GPHN: variants seen among roughly 807,000 people sequenced by gnomAD.
The protein encoded by GPHN is gephyrin.
A neutral mutation model predicts 95.5 loss-of-function variants in GPHN; 17 were observed. The observed-to-expected ratio is 0.18, with a 90% confidence interval of 0.12 to 0.27. The LOEUF is 0.27. Ranked by LOEUF, GPHN falls within the 10% of genes least tolerant of loss-of-function variation. The pLI, the probability that GPHN is intolerant of heterozygous loss-of-function variation, is 1.00. For missense variants in GPHN, 660 were observed against 978.1 expected (o/e 0.67, Z 4.34); for synonymous variants, 320 against 322.5 (o/e 0.99, Z 0.08).
chr14:66,782,758 G>A (rs546706852), intron 3 of GPHN, among the ~76,000 whole-genome samples: 53 of 152,228 alleles, frequency 3.5e-4, no homozygotes, highest in African/African-American at 1.1e-3. Context: ...GCTTGAACCC[G>A]GGAGGTGGAG....
chr14:67,371,239 C>T, the GPHN span, among the ~76,000 whole-genome samples: 1 of 151,982 alleles, frequency 6.6e-6, no homozygotes, highest in South Asian at 2.1e-4. Flanking sequence ...TATAGGGAGA[C>T]CCCATCTCTA....
At chr14:66,685,594 G>A (rs913519413) in intron 2 of GPHN, among the ~76,000 whole-genome samples, 6 of 151,938 alleles carry the variant, frequency 3.9e-5, no homozygotes, top group Admixed American at 2.6e-4. Flanking sequence ...TTTTTGATGG[G>A]GTTGTTTTTT....
chr14:67,400,993 AAAT>A, the GPHN span, among the ~76,000 whole-genome samples: 13,423 of 150,654 alleles, frequency 0.089, 945 homozygotes, highest in African/African-American at 0.19. Flanking sequence ...CTGCCTCTTA[AAAT>A]AATAATAATA....
At chr14:67,148,145 A>G (rs1475916265) in intron 18 of GPHN, among the ~76,000 whole-genome samples, 2 of 152,254 alleles carry the variant, frequency 1.3e-5, no homozygotes, top group Non-Finnish European at 2.9e-5. Flanking sequence ...CATAGAAGGT[A>G]ACATGACTGT....
At chr14:66,809,887 T>G (rs528219799) in intron 3 of GPHN, among the ~76,000 whole-genome samples, 1 of 152,146 alleles carries the variant, frequency 6.6e-6, no homozygotes, top group East Asian at 1.9e-4. Flanking sequence ...AGTCCCTTAT[T>G]TTTTTTAAAG....
the GPHN span, among the ~76,000 whole-genome samples, chr14:67,696,413 T>A: frequency 2.0e-5 from 3 of 152,316 alleles, no homozygotes; most frequent in Admixed American, 2.0e-4. Flanking sequence ...ATGTAAACCC[T>A]TCCTCCTCGA....
At chr14:67,188,094 T>C in the GPHN span, among the ~76,000 whole-genome samples, 1 of 152,256 alleles carries the variant, frequency 6.6e-6, no homozygotes, top group South Asian at 2.1e-4. Flanking sequence ...GAAAGCTTCA[T>C]ATCCCAAGCT....
At chr14:66,624,617 A>G (rs1156418828) in intron 1 of GPHN, among the ~76,000 whole-genome samples, 2 of 152,178 alleles carry the variant, frequency 1.3e-5, no homozygotes, top group South Asian at 2.1e-4. Context: ...ATTTTCTTGG[A>G]CCAGGGGTTG....
At chr14:67,554,683 G>T in the GPHN span, among the ~76,000 whole-genome samples, 3 of 152,156 alleles carry the variant, frequency 2.0e-5, no homozygotes, top group South Asian at 4.1e-4. Context: ...GACATCTAAC[G>T]CACACTTCAC....
In GPHN at chr14:67,089,032, AC is replaced by A; in HGVS notation, c.1200del (p.Phe401SerfsTer5). The part of the protein sequence containing the change: ...AQDVYAKDNL[P>X]PFPASVKDGY... ...AAGATGTATATGCAAAAGACAATTT[AC>A]CCCCCTTCCCAGCATCAGTAAAAGA... On this transcript the variant is annotated frameshift_variant, in exon 12 of 23. Transcript: ENST00000478722. LOFTEE classifies it high-confidence loss of function. 6.2e-7 allele frequency: 1 copy of A among 1,604,894 alleles called. No homozygotes were observed. The highest frequency in any genetic ancestry group is 1.1e-5 in the South Asian group (1 of 90,858).
chr14:67,458,440 G>C, the GPHN span, among the ~76,000 whole-genome samples: 5 of 152,236 alleles, frequency 3.3e-5, no homozygotes, highest in African/African-American at 9.6e-5. Context: ...CAGTGAAGGA[G>C]ATGTGGTCCC....
the GPHN span, among the ~76,000 whole-genome samples, chr14:67,190,799 T>C: frequency 7.2e-5 from 11 of 152,176 alleles, no homozygotes; most frequent in Non-Finnish European, 1.3e-4. Context: ...CCTAAAAATA[T>C]GTTTATTAGT....
intron 1 of GPHN, among the ~76,000 whole-genome samples, chr14:66,548,334 C>T (rs1236401460): frequency 1.3e-5 from 2 of 151,944 alleles, no homozygotes; most frequent in African/African-American, 2.4e-5. Context: ...GCGCCCACTA[C>T]CATGCCTGGC....
chr14:67,410,627 C>T, the GPHN span, among the ~76,000 whole-genome samples: 4 of 152,160 alleles, frequency 2.6e-5, no homozygotes, highest in South Asian at 2.1e-4. Flanking sequence ...TACCAAATAA[C>T]GTGCAACATC....
At chr14:67,426,517 T>C in the GPHN span, among the ~76,000 whole-genome samples, 1 of 152,218 alleles carries the variant, frequency 6.6e-6, no homozygotes, top group East Asian at 1.9e-4. Flanking sequence ...AGCAGCAGAC[T>C]GTGAAATGGT....
chr14:67,489,961 G>A, the GPHN span, among the ~76,000 whole-genome samples: 12,635 of 150,790 alleles, frequency 0.084, 746 homozygotes, highest in Middle Eastern at 0.14. Flanking sequence ...CTGCACTCCA[G>A]CCTGGGCGAC....
intron 8 of GPHN, among the ~76,000 whole-genome samples, chr14:66,927,348 C>CA (rs144817350): frequency 0.33 from 32,722 of 99,798 alleles, 7,914 homozygotes; most frequent in African/African-American, 0.65. Context: ...GACTCCATCT[C>CA]AAAAAAAAAA....
chr14:66,612,487 T>G (rs1010450732), intron 1 of GPHN, among the ~76,000 whole-genome samples: 1 of 152,102 alleles, frequency 6.6e-6, no homozygotes, highest in African/African-American at 2.4e-5. Flanking sequence ...CATGTACCCA[T>G]CACTCAGAAA....
At chr14:67,419,380 C>A in the GPHN span, among the ~76,000 whole-genome samples, 2 of 152,122 alleles carry the variant, frequency 1.3e-5, no homozygotes, top group Non-Finnish European at 2.9e-5. Context: ...ATCAAAATCA[C>A]CTGCACGGTT....
Sources: allele counts gnomAD v4.1 joint callset (sites outside exome capture counted in the v4.1 genomes callset), GRCh38; gene constraint gnomAD v4.1.1; transcripts MANE v1.5; gene names NCBI Gene and HGNC (gene_info 2026-07-23, HGNC 2026-07-21).